The following TNNI3K variants were observed in gnomAD, a reference collection of about 807,000 sequenced individuals.
TNNI3K encodes serine/threonine-protein kinase TNNI3K.
TNNI3K carries 140 observed loss-of-function variants against 114.5 expected under a neutral mutation model. The ratio of observed to expected loss-of-function variants is 1.22; its 90% CI spans 1.07 to 1.41. The LOEUF (loss-of-function observed/expected upper bound fraction) is 1.41, where lower values mean the gene tolerates loss of function less well. Ranked by LOEUF, TNNI3K falls within the 40% of genes most tolerant of loss-of-function variation. The pLI is 0.00. For synonymous variants in TNNI3K, 347 were observed against 347.5 expected (o/e 1.00, Z 0.02); for missense variants, 1,125 against 1,007.6 (o/e 1.12, Z -1.58).
intron 20 of TNNI3K, among the ~76,000 whole-genome samples, chr1:74,448,276 A>G (rs1407203763): frequency 1.4e-5 from 2 of 145,530 alleles, no homozygotes; most frequent in Admixed American, 1.3e-4. Context: ...AAAAAAAAAA[A>G]AAAAAAAGAA....
intron 11 of TNNI3K, among the ~76,000 whole-genome samples, chr1:74,355,241 A>G (rs1236378983): frequency 2.0e-5 from 3 of 152,236 alleles, no homozygotes; most frequent in Non-Finnish European, 2.9e-5. Context: ...AAAAGATTGT[A>G]CTGAAAATAA....
chr1:74,349,315 T>G (rs1661197957), intron 9 of TNNI3K, among the ~76,000 whole-genome samples: 1 of 152,222 alleles, frequency 6.6e-6, no homozygotes, highest in Admixed American at 6.5e-5. Flanking sequence ...ATCCCAGGGA[T>G]GAAGCCCACT....
chr1:74,346,314 A>G (rs1009461750), intron 9 of TNNI3K: 1 of 152,142 alleles, frequency 6.6e-6, no homozygotes, highest in Non-Finnish European at 1.5e-5. Context: ...TTTACCAGGA[A>G]TCATTTCAGA....
intron 23 of TNNI3K, among the ~76,000 whole-genome samples, chr1:74,526,840 C>T (rs1646509863): frequency 2.0e-5 from 3 of 152,184 alleles, no homozygotes; most frequent in Admixed American, 2.0e-4. Context: ...TGGTAAACTA[C>T]AGCTCATGGG....
chr1:74,238,253 T>C (rs1252675136), intron 2 of TNNI3K, among the ~76,000 whole-genome samples: 2 of 152,096 alleles, frequency 1.3e-5, no homozygotes, highest in Non-Finnish European at 2.9e-5. Flanking sequence ...TGGTTTTAAA[T>C]ACAGCTTCTT....
At chr1:74,478,812 A>G (rs1413194981) in intron 21 of TNNI3K, among the ~76,000 whole-genome samples, 4 of 152,220 alleles carry the variant, frequency 2.6e-5, no homozygotes, top group African/African-American at 9.6e-5. Context: ...TATTCTAAGA[A>G]GCACATTTAA....
chr1:74,512,819 C>A (rs1157913517), intron 23 of TNNI3K, among the ~76,000 whole-genome samples: 1 of 152,176 alleles, frequency 6.6e-6, no homozygotes, highest in Admixed American at 6.5e-5. Flanking sequence ...ATACTGTATT[C>A]TTCAAAATGG....
At position 74,529,551 on chromosome 1, in the gene TNNI3K, A is replaced by T. The variant is rs533662915; in HGVS notation, c.2352-10683A>T. Among the ~76,000 whole-genome samples the T allele has an allele frequency of 4.6e-5, 7 of 152,332 alleles. No homozygotes were observed. In the South Asian group the frequency reaches 1.5e-3, roughly 32 times the overall value. On this transcript the variant is annotated intron_variant, in intron 23 of 24. Transcript: ENST00000326637. ...TTTTGCTATAAAAAGCGTTATTGAG[A>T]TAATTGGCAAAACTTGAATGGCGTC...
At chr1:74,448,238 T>G in intron 20 of TNNI3K, among the ~76,000 whole-genome samples, 3 of 106,602 alleles carry the variant, frequency 2.8e-5, no homozygotes, top group East Asian at 2.6e-4. Context: ...TGTGCACATG[T>G]ACCCTAAAAC....
At chr1:74,489,861 T>A (rs1265948137) in intron 22 of TNNI3K, among the ~76,000 whole-genome samples, 1 of 151,994 alleles carries the variant, frequency 6.6e-6, no homozygotes, top group Non-Finnish European at 1.5e-5. Context: ...GCACACTACT[T>A]GAAAAATAAT....
At chr1:74,312,085 C>T (rs2100354209) in intron 5 of TNNI3K, among the ~76,000 whole-genome samples, 1 of 152,248 alleles carries the variant, frequency 6.6e-6, no homozygotes, top group South Asian at 2.1e-4. Context: ...ATGTTGGTTA[C>T]TATACTTCTT....
intron 21 of TNNI3K, among the ~76,000 whole-genome samples, chr1:74,476,832 T>G (rs12140875): frequency 2.3e-3 from 353 of 152,256 alleles, no homozygotes; most frequent in Non-Finnish European, 4.4e-3. Context: ...AATGAAAACA[T>G]ATTTTTAAAA....
intron 20 of TNNI3K, among the ~76,000 whole-genome samples, chr1:74,443,541 C>T (rs959335642): frequency 6.6e-6 from 1 of 152,034 alleles, no homozygotes; most frequent in Non-Finnish European, 1.5e-5. Flanking sequence ...AAAAAAAGCC[C>T]AGGACCAGAC....
Position 74,369,539 on chromosome 1 carries a change from T to A in TNNI3K, c.1621T>A (p.Tyr541Asn). Reference protein sequence around the residue: ...DPSQFAIVTQYISGGSLFSLL... With the variant: ...DPSQFAIVTQNISGGSLFSLL... Reference sequence around the variant, plus strand: ...CAGCCAGTTTGCCATTGTCACTCAATACATATCAGGGGGTTCTCTGTTCTC... The same window carrying A: ...CAGCCAGTTTGCCATTGTCACTCAAAACATATCAGGGGGTTCTCTGTTCTC... The change falls in exon 16 of 25, where the codon TAC (tyrosine) becomes AAC (asparagine). Residue 541 changes from tyrosine to asparagine, a missense_variant. Tyr to Asn is a moderately radical substitution (Grantham distance 143). Coordinates refer to ENST00000326637, the MANE Select transcript of TNNI3K (RefSeq NM_015978.3). 6.2e-7 allele frequency: 1 copy of A among 1,612,440 alleles called. No homozygotes were observed. The highest frequency in any genetic ancestry group is 8.5e-7 in the Non-Finnish European group (1 of 1,178,968).
intron 4 of TNNI3K, among the ~76,000 whole-genome samples, chr1:74,265,135 T>G (rs1655892742): frequency 6.6e-6 from 1 of 151,936 alleles, no homozygotes; most frequent in Non-Finnish European, 1.5e-5. Flanking sequence ...TAAAGTTACA[T>G]TAAAGAAACA....
intron 17 of TNNI3K, chr1:74,372,336 G>C (rs181970705): frequency 8.6e-4 from 130 of 151,830 alleles, no homozygotes; most frequent in African/African-American, 2.7e-3. Context: ...ATTTTGTGTT[G>C]CTCATACAGC....
intron 17 of TNNI3K, among the ~76,000 whole-genome samples, chr1:74,385,760 T>G (rs1324126056): frequency 2.0e-5 from 3 of 152,232 alleles, no homozygotes; most frequent in Non-Finnish European, 4.4e-5. Context: ...CCTTTGAGAC[T>G]GTGCACTTAC....
intron 4 of TNNI3K, among the ~76,000 whole-genome samples, chr1:74,265,111 G>T (rs1347743998): frequency 2.0e-5 from 3 of 151,922 alleles, no homozygotes; most frequent in Admixed American, 2.0e-4. Flanking sequence ...TCAAATCCCA[G>T]TTCAGCCTCA....
chr1:74,354,036 A>G lies in TNNI3K; in HGVS notation c.1084A>G (p.Asn362Asp), dbSNP rs2100480602. The change falls in exon 11 of 25, where the codon AAT becomes GAT. Residue 362 changes from asparagine to aspartate, a missense_variant. By Grantham distance (23) the Asn-to-Asp change is conservative. Coordinates refer to ENST00000326637, the MANE Select transcript of TNNI3K (RefSeq NM_015978.3). ...HIRLVQFLLD[N>D]GADMNLVACD... Reference sequence around the variant, plus strand: ...TCGCCTGGTTCAGTTCTTACTGGATAATGGAGCTGATATGAATCTAGTGGC... The same window carrying G: ...TCGCCTGGTTCAGTTCTTACTGGATGATGGAGCTGATATGAATCTAGTGGC... 1 of 1,614,038 alleles carries G rather than the reference A, an allele frequency of 6.2e-7. No individual in the cohort carries two copies. The highest frequency in any genetic ancestry group is 1.3e-5 in the African/African-American group (1 of 75,022).
Sources: gnomAD v4.1 joint callset for allele counts (sites outside exome capture counted in the v4.1 genomes callset) on GRCh38, gnomAD v4.1.1 for gene constraint, MANE v1.5 for transcripts, NCBI Gene and HGNC (gene_info 2026-07-23, HGNC 2026-07-21) for gene names.